The following C2orf76 variants were observed in gnomAD, a reference collection of about 807,000 sequenced individuals.
C2orf76 encodes chromosome 2 open reading frame 76.
In C2orf76, 23 loss-of-function variants were observed where a neutral mutation model predicts 16.9. The observed-to-expected ratio is 1.36, with a 90% CI of 0.98 to 1.93. C2orf76 has a LOEUF of 1.93. C2orf76 is among the 30% of genes most tolerant of loss of function. C2orf76 has a pLI of 0.00. For missense variants in C2orf76, 152 were observed against 152.6 expected (o/e 1.00, Z 0.02); for synonymous variants, 48 against 52.3 (o/e 0.92, Z 0.35).
intron 2 of C2orf76, among the ~76,000 whole-genome samples, chr2:119,324,937 G>A (rs1679460123): frequency 6.6e-6 from 1 of 152,162 alleles, no homozygotes; most frequent in Admixed American, 6.5e-5. Context: ...ATAAAGCTGG[G>A]AACATTCACA....
At chr2:119,294,354 AAG>A in the C2orf76 span, among the ~76,000 whole-genome samples, 1 of 152,138 alleles carries the variant, frequency 6.6e-6, no homozygotes, top group African/African-American at 2.4e-5. Context: ...TCATGGAGGA[AAG>A]AGGGTATGGA....
At chr2:119,346,848 T>C (rs1156653952) in intron 1 of C2orf76, among the ~76,000 whole-genome samples, 1 of 152,236 alleles carries the variant, frequency 6.6e-6, no homozygotes, top group Non-Finnish European at 1.5e-5. Flanking sequence ...TGAGGTTCAT[T>C]GCTTGTATCA....
intron 1 of C2orf76, among the ~76,000 whole-genome samples, chr2:119,363,316 C>T (rs986493054): frequency 3.3e-5 from 5 of 151,274 alleles, no homozygotes; most frequent in Non-Finnish European, 7.4e-5. Flanking sequence ...CCCAGCTACT[C>T]GGGAGGCTGA....
At chr2:119,330,035 T>C (rs1245734199) in intron 2 of C2orf76, among the ~76,000 whole-genome samples, 1 of 152,170 alleles carries the variant, frequency 6.6e-6, no homozygotes, top group East Asian at 1.9e-4. Context: ...CTTTGGTATG[T>C]CTGAAAACAT....
At chr2:119,313,212 C>T (rs1573627424) in intron 4 of C2orf76, among the ~76,000 whole-genome samples, 1 of 151,978 alleles carries the variant, frequency 6.6e-6, no homozygotes, top group Admixed American at 6.6e-5. Context: ...GCCCAAGCCA[C>T]GCAGGGTTTA....
At chr2:119,284,686 T>C in the C2orf76 span, among the ~76,000 whole-genome samples, 4,099 of 151,458 alleles carry the variant, frequency 0.027, 93 homozygotes, top group East Asian at 0.13. Flanking sequence ...TTTTGGTTTT[T>C]TTTTTTTTTG....
intron 1 of C2orf76, among the ~76,000 whole-genome samples, chr2:119,349,860 A>G (rs1390914648): frequency 6.6e-6 from 1 of 152,166 alleles, no homozygotes; most frequent in East Asian, 1.9e-4. Flanking sequence ...AGAATGCTGT[A>G]TGGTCCGTTT....
downstream of C2orf76, among the ~76,000 whole-genome samples, chr2:119,301,175 T>C (rs1442568635): frequency 2.0e-5 from 3 of 152,190 alleles, no homozygotes; most frequent in Non-Finnish European, 4.4e-5. Context: ...GCTTGTACTA[T>C]GTCTTTCTCC....
intron 1 of C2orf76, among the ~76,000 whole-genome samples, chr2:119,362,941 T>C (rs1375247397): frequency 6.6e-6 from 1 of 151,782 alleles, no homozygotes; most frequent in Non-Finnish European, 1.5e-5. Flanking sequence ...AAGGAGAGGG[T>C]AGGAATGGCA....
At chr2:119,289,770 G>A in the C2orf76 span, among the ~76,000 whole-genome samples, 1 of 151,542 alleles carries the variant, frequency 6.6e-6, no homozygotes, top group African/African-American at 2.4e-5. Context: ...GCTATAAAGA[G>A]ACCCTGCCAC....
chr2:119,351,845 T>C (rs1443632123), intron 1 of C2orf76, among the ~76,000 whole-genome samples: 1 of 152,168 alleles, frequency 6.6e-6, no homozygotes, highest in Non-Finnish European at 1.5e-5. Flanking sequence ...TCTGCACATG[T>C]CCAAGAATGA....
chr2:119,341,270 A>T (rs949149088), intron 1 of C2orf76, among the ~76,000 whole-genome samples: 1 of 152,144 alleles, frequency 6.6e-6, no homozygotes, highest in African/African-American at 2.4e-5. Flanking sequence ...TGGCCTCCGG[A>T]AGTGCTAGAA....
intron 1 of C2orf76, among the ~76,000 whole-genome samples, chr2:119,345,096 A>ATGTCCATTGCTTGTATCAATGCT (rs1680156395): frequency 6.6e-6 from 1 of 152,192 alleles, no homozygotes; most frequent in Non-Finnish European, 1.5e-5. Context: ...TAATCTTAAG[A>ATGTCCATTGCTTGTATCAATGCT]TAGGAAAAGC....
intron 2 of C2orf76, among the ~76,000 whole-genome samples, chr2:119,330,229 T>G (rs1021266088): frequency 6.6e-6 from 1 of 151,904 alleles, no homozygotes; most frequent in African/African-American, 2.4e-5. Context: ...CGAAAAAAAT[T>G]AGCTGGGCGT....
At chr2:119,298,147 T>C (rs115545422), downstream of C2orf76, among the ~76,000 whole-genome samples, 1,586 of 152,296 alleles carry the variant, frequency 0.01, 24 homozygotes, top group African/African-American at 0.035. Context: ...ATTCTCCTTA[T>C]GAAATTATGG....
chr2:119,300,551 A>T (rs2104525637), downstream of C2orf76, among the ~76,000 whole-genome samples: 1 of 152,138 alleles, frequency 6.6e-6, no homozygotes, highest in South Asian at 2.1e-4. Context: ...TGTACTTTAC[A>T]CTCCTGTATA....
chr2:119,317,047 C>A (rs921039563), intron 4 of C2orf76, among the ~76,000 whole-genome samples: 11 of 152,146 alleles, frequency 7.2e-5, no homozygotes, highest in African/African-American at 2.7e-4. Context: ...TTATACACAG[C>A]AAGAATCAAA....
chr2:119,308,174 T>C lies in C2orf76; in HGVS notation c.304+3448A>G, dbSNP rs369925231. Among the ~76,000 whole-genome samples, 35 of 152,296 alleles carry C rather than the reference T, an allele frequency of 2.3e-4. No homozygotes were observed. In the East Asian group the frequency reaches 5.4e-3, roughly 23 times the overall value. ...AATTACAAGGAATACATGTAAACTG[T>C]AGAAAAATTTTTAAATCACCATAAA... On this transcript the variant is annotated intron_variant, in intron 5 of 5. Coordinates refer to ENST00000334816, the MANE Select transcript of C2orf76 (RefSeq NM_001322331.2).
At chr2:119,325,091 T>C (rs892248021) in intron 2 of C2orf76, among the ~76,000 whole-genome samples, 1 of 152,038 alleles carries the variant, frequency 6.6e-6, no homozygotes, top group Non-Finnish European at 1.5e-5. Context: ...ATCCCAGCAC[T>C]TTGGGAGTTC....
Sources: gnomAD v4.1 joint callset for allele counts (sites outside exome capture counted in the v4.1 genomes callset) on GRCh38, gnomAD v4.1.1 for gene constraint, MANE v1.5 for transcripts, NCBI Gene and HGNC (gene_info 2026-07-23, HGNC 2026-07-21) for gene names.